Variants in SRD5A2 observed in about 807,000 individuals in gnomAD.
The protein encoded by SRD5A2 is steroid 5 alpha-reductase 2, also known as 3-oxo-5-alpha-steroid 4-dehydrogenase 2.
A neutral mutation model predicts 27.4 loss-of-function variants in SRD5A2; 30 were observed. That is an observed-to-expected ratio of 1.10 (90% CI 0.82 to 1.49). The LOEUF is 1.49. SRD5A2 is among the 40% of genes most tolerant of loss of function. The pLI, the probability that SRD5A2 is intolerant of heterozygous loss-of-function variation, is 0.00. For missense variants in SRD5A2, 348 were observed against 323.4 expected (o/e 1.08, Z -0.58); for synonymous variants, 141 against 133.6 (o/e 1.06, Z -0.38).
At chr2:31,587,732 C>T in the SRD5A2 span, among the ~76,000 whole-genome samples, 1 of 152,072 alleles carries the variant, frequency 6.6e-6, no homozygotes, top group African/African-American at 2.4e-5. Flanking sequence ...GAACATTATA[C>T]ACCAGGACCT....
rs1212444645 is a variant in SRD5A2, at chr2:31,524,221, A to G, written c.*1975T>C. On this transcript the variant is annotated 3_prime_UTR_variant, in exon 5 of 5. Transcript: ENST00000622030. ...GGTAGTTTTCAATGTCATGGAGAGA[A>G]CTGGAAGTCTTTTATGTCACAGAGC... 2 of 225,860 alleles carry G rather than the reference A, an allele frequency of 8.9e-6. No individual in the cohort carries two copies. Among genetic ancestry groups the G allele is most frequent in the Non-Finnish European group, 1.8e-5 (2 of 113,420 alleles). 14.0% of individuals were successfully genotyped at this position (225,860 alleles called of 1,614,324 possible). A position where few individuals can be genotyped will look rare whatever the true frequency, so the allele number is the denominator to read the frequency against.
chr2:31,630,950 G>A, the SRD5A2 span, among the ~76,000 whole-genome samples: 2 of 152,172 alleles, frequency 1.3e-5, no homozygotes, highest in East Asian at 1.9e-4. Flanking sequence ...GTAATTGATA[G>A]GGAGACTCTT....
At chr2:31,535,064 C>T (rs1665997999) in intron 1 of SRD5A2, among the ~76,000 whole-genome samples, 1 of 151,488 alleles carries the variant, frequency 6.6e-6, no homozygotes, top group Admixed American at 6.6e-5. Flanking sequence ...TTCTGTTGCC[C>T]AGGCTGGAGT....
the SRD5A2 span, among the ~76,000 whole-genome samples, chr2:31,643,053 T>C: frequency 6.6e-6 from 1 of 152,208 alleles, no homozygotes; most frequent in South Asian, 2.1e-4. Context: ...GACATGGAAA[T>C]CTTTCTAGCA....
chr2:31,612,006 G>A, the SRD5A2 span, among the ~76,000 whole-genome samples: 3 of 152,208 alleles, frequency 2.0e-5, no homozygotes, highest in Non-Finnish European at 2.9e-5. Context: ...GGCTGAGTGT[G>A]GTGGCTCATT....
chr2:31,635,364 T>C, the SRD5A2 span, among the ~76,000 whole-genome samples: 1 of 152,186 alleles, frequency 6.6e-6, no homozygotes, highest in Non-Finnish European at 1.5e-5. Flanking sequence ...GAAATGTCTA[T>C]TCAGATCTTT....
rs1292783556 is a variant in SRD5A2 at position 31,524,403 on chromosome 2, A to C, written c.*1793T>G. 1 of 226,470 alleles carries C rather than the reference A, an allele frequency of 4.4e-6. No individual in the cohort carries two copies. Among genetic ancestry groups the C allele is most frequent in the African/African-American group, 2.2e-5 (1 of 44,930 alleles). 14.0% of individuals were successfully genotyped at this position (226,470 alleles called of 1,614,324 possible). A position where few individuals can be genotyped will look rare whatever the true frequency, so the allele number is the denominator to read the frequency against. ...GTGGCTGAGAGGCTGTATAAGTCATACTTCTTTATTTCCAGCACACAGCCC... is the reference window on the plus strand; with the variant it reads ...GTGGCTGAGAGGCTGTATAAGTCATCCTTCTTTATTTCCAGCACACAGCCC... On this transcript the variant is annotated 3_prime_UTR_variant, in exon 5 of 5. Transcript: ENST00000622030.
chr2:31,651,308 G>C, the SRD5A2 span: 1 of 159,402 alleles, frequency 6.3e-6, no homozygotes, highest in Admixed American at 6.5e-5. Context: ...GATTTCTGAA[G>C]AGTGAGACAT....
the SRD5A2 span, among the ~76,000 whole-genome samples, chr2:31,653,954 C>T: frequency 5.8e-4 from 89 of 152,264 alleles, no homozygotes; most frequent in Admixed American, 2.2e-3. Context: ...CCACTGCACC[C>T]AGCCTACATT....
the SRD5A2 span, among the ~76,000 whole-genome samples, chr2:31,655,983 G>C: frequency 6.6e-6 from 1 of 152,192 alleles, no homozygotes; most frequent in East Asian, 1.9e-4. Flanking sequence ...CGCTGAGAGA[G>C]GAAGGTGAAA....
the SRD5A2 span, among the ~76,000 whole-genome samples, chr2:31,634,135 A>C: frequency 2.7e-5 from 4 of 145,928 alleles, no homozygotes; most frequent in African/African-American, 1.0e-4. Flanking sequence ...CTCTGTTTTC[A>C]CTCTATTAAA....
At chr2:31,649,611 T>G in the SRD5A2 span, among the ~76,000 whole-genome samples, 1 of 152,260 alleles carries the variant, frequency 6.6e-6, no homozygotes, top group East Asian at 1.9e-4. Context: ...TAATGAATAC[T>G]ATGCATTTCT....
upstream of SRD5A2, among the ~76,000 whole-genome samples, chr2:31,583,628 AC>A (rs70964720): frequency 0.13 from 3,842 of 29,886 alleles, 352 homozygotes; most frequent in African/African-American, 0.22. Context: ...AAAAAAAAAA[AC>A]AAAAAAAAAG....
chr2:31,633,490 C>T, the SRD5A2 span, among the ~76,000 whole-genome samples: 1 of 152,178 alleles, frequency 6.6e-6, no homozygotes, highest in Non-Finnish European at 1.5e-5. Flanking sequence ...AAGTTTGTCT[C>T]TTCCAGAATC....
the SRD5A2 span, among the ~76,000 whole-genome samples, chr2:31,590,101 C>A: frequency 2.0e-5 from 3 of 152,140 alleles, no homozygotes; most frequent in Non-Finnish European, 4.4e-5. Flanking sequence ...TCCACAGTGG[C>A]TGCAGCAAGC....
intron 1 of SRD5A2, among the ~76,000 whole-genome samples, chr2:31,547,065 T>G (rs182184591): frequency 6.6e-6 from 1 of 151,646 alleles, no homozygotes; most frequent in Admixed American, 6.6e-5. Context: ...GCCATTGCAC[T>G]CCAGCCTGGG....
At chr2:31,578,530 A>T (rs1197495471) in intron 1 of SRD5A2, among the ~76,000 whole-genome samples, 1 of 152,224 alleles carries the variant, frequency 6.6e-6, no homozygotes, top group African/African-American at 2.4e-5. Flanking sequence ...TTTGGCACAC[A>T]GAGTGTAACA....
chr2:31,613,248 A>G, the SRD5A2 span, among the ~76,000 whole-genome samples: 3 of 152,148 alleles, frequency 2.0e-5, no homozygotes, highest in Non-Finnish European at 4.4e-5. Flanking sequence ...GGGAGAAAAT[A>G]TTTACAAACC....
the SRD5A2 span, among the ~76,000 whole-genome samples, chr2:31,615,022 T>A: frequency 6.6e-6 from 1 of 152,230 alleles, no homozygotes; most frequent in East Asian, 1.9e-4. Context: ...CCTGCCACCA[T>A]GTAAGACATG....
Sources: gnomAD v4.1 joint callset for allele counts (sites outside exome capture counted in the v4.1 genomes callset) on GRCh38, gnomAD v4.1.1 for gene constraint, MANE v1.5 for transcripts, NCBI Gene and HGNC (gene_info 2026-07-23, HGNC 2026-07-21) for gene names.